ENAM: variants seen among roughly 807,000 people sequenced by gnomAD.
The protein encoded by ENAM is enamelin.
A neutral mutation model predicts 33.6 loss-of-function variants in ENAM; 21 were observed. The observed-to-expected ratio is 0.63, with a 90% CI of 0.44 to 0.90. ENAM has a LOEUF of 0.90. Ranked by LOEUF, ENAM falls within the 40% of genes least tolerant of loss-of-function variation. ENAM has a pLI of 0.00. For missense variants in ENAM, 1,388 were observed against 1,366.9 expected (o/e 1.02, Z -0.24); for synonymous variants, 473 against 468.4 (o/e 1.01, Z -0.13).
In ENAM at chr4:70,643,879, A is replaced by C. The variant is rs368055287; in HGVS notation, c.2453A>C (p.Gln818Pro). Residue 818 changes from glutamine to proline, a missense_variant, in exon 9 of 9, where the codon CAG (glutamine) becomes CCG (proline). By Grantham distance (76) the Gln-to-Pro change is moderately conservative. Coordinates refer to ENST00000396073, the MANE Select transcript of ENAM (RefSeq NM_031889.3). Reference sequence around the variant, plus strand: ...TACAGTAACACCCCAGCTGGGCTTCAGAAAAATCCAATATGGCATGAAGGT... The same window carrying C: ...TACAGTAACACCCCAGCTGGGCTTCCGAAAAATCCAATATGGCATGAAGGT... ...PYYSNTPAGLQKNPIWHEGEN... is the reference protein window; with the variant it reads ...PYYSNTPAGLPKNPIWHEGEN... 1.2e-6 allele frequency: 2 copies of C among 1,614,132 alleles called. No homozygotes were observed. Among genetic ancestry groups the C allele is most frequent in the African/African-American group, 2.7e-5 (2 of 74,946 alleles).
chr4:70,645,004 G>A lies in ENAM; in HGVS notation c.*149G>A, dbSNP rs777413455. 3.2e-5 allele frequency: 22 copies of A among 690,400 alleles called. No individual in the cohort carries two copies. The highest frequency in any genetic ancestry group is 2.6e-4 in the Admixed American group (12 of 47,056). 42.8% of individuals were successfully genotyped at this position (690,400 alleles called of 1,614,324 possible). A position where few individuals can be genotyped will look rare whatever the true frequency, so the allele number is the denominator to read the frequency against. On this transcript the variant is annotated 3_prime_UTR_variant, in exon 9 of 9. Transcript: ENST00000396073. ...CTCCCCTCTCAGCAATAGGAGTAGC[G>A]ACCCAGGTGGAGCTGAGATTAGGCC...
rs780256936 is a variant in ENAM at position 70,631,696 on chromosome 4, C to T, written c.81C>T (p.Leu27=). The change falls in exon 3 of 9, where the codon CTC becomes CTT. Residue 27 remains leucine (L), a synonymous_variant. Transcript: ENST00000396073. ...NLVPKGKMKI[L]LVFLGLLGNS... ...TACCAAAAGGCAAAATGAAGATTCT[C>T]CTGGTCTTTCTAGGGCTTCTTGGTA... 2 of 1,613,400 alleles carry T rather than the reference C, an allele frequency of 1.2e-6. No individual in the cohort carries two copies. The highest frequency in any genetic ancestry group is 1.7e-6 in the Non-Finnish European group (2 of 1,179,506).
Position 70,643,087 on chromosome 4 carries a change from C to T in ENAM, c.1661C>T (p.Ser554Phe), listed in dbSNP as rs1370260408. Reference sequence around the variant, plus strand: ...GCTGTATACCCTGAGGAAATCCCTTCTCCTGCAAAAGAACATTTTCCTGCT... The same window carrying T: ...GCTGTATACCCTGAGGAAATCCCTTTTCCTGCAAAAGAACATTTTCCTGCT... ...QPAVYPEEIP[S>F]PAKEHFPAGR... Residue 554 changes from serine (S) to phenylalanine (F), a missense_variant, in exon 9 of 9, where the codon TCT (serine) becomes TTT (phenylalanine). By Grantham distance (155) the Ser-to-Phe change is radical (BLOSUM62 -2). Transcript: ENST00000396073. 1 of 1,614,032 alleles carries T rather than the reference C, an allele frequency of 6.2e-7. No homozygotes were observed. Among genetic ancestry groups the T allele is most frequent in the Non-Finnish European group, 8.5e-7 (1 of 1,179,998 alleles).
rs1162568979 is a variant in ENAM, at chr4:70,643,517, G to A, written c.2091G>A (p.Lys697=). The A allele has an allele frequency of 6.2e-7, 1 of 1,614,102 alleles. No individual in the cohort carries two copies. The highest frequency in any genetic ancestry group is 8.5e-7 in the Non-Finnish European group (1 of 1,179,994). The change falls in exon 9 of 9, where the codon AAG becomes AAA. Residue 697 remains lysine (K), a synonymous_variant. Coordinates refer to ENST00000396073, the MANE Select transcript of ENAM (RefSeq NM_031889.3). ...EGEQYTSNQP[K]EYLPYSLDNP... is the part of the protein sequence containing the mutation. ...AACAATATACCTCAAATCAGCCAAA[G>A]GAATATCTTCCCTATTCTTTAGATA...
rs1738640247 is a variant in ENAM at position 70,642,911 on chromosome 4, T to C, written c.1485T>C (p.Tyr495=). 6.2e-7 allele frequency: 1 copy of C among 1,613,996 alleles called. No individual in the cohort carries two copies. The highest frequency in any genetic ancestry group is 8.5e-7 in the Non-Finnish European group (1 of 1,180,000). ...CTGTTGATCAACATGAAAACTCCTA[T>C]TACCCAAGAGGAGATTCCAGAAAAG... ...FNSVDQHENS[Y]YPRGDSRKVP... The change falls in exon 9 of 9, where the codon TAT becomes TAC. Residue 495 remains tyrosine (Y), a synonymous_variant. Coordinates refer to ENST00000396073, the MANE Select transcript of ENAM (RefSeq NM_031889.3).
rs1470292359 is a variant in ENAM at position 70,644,351 on chromosome 4, C to T, written c.2925C>T (p.Ala975=). 1.2e-6 allele frequency: 2 copies of T among 1,614,182 alleles called. No individual in the cohort carries two copies. Residue 975 remains alanine, a synonymous_variant, in exon 9 of 9, where the codon GCC becomes GCT. Coordinates refer to ENST00000396073, the MANE Select transcript of ENAM (RefSeq NM_031889.3). ...AGGAAATTATGCCCTTTCCTGAAGC[C>T]AGTTCCCTTCAATCAAAGAATACAC... ...GQKEIMPFPE[A]SSLQSKNTPC...
rs773749979 is a variant in ENAM, at chr4:70,644,646, T to A, written c.3220T>A (p.Ser1074Thr). 7 of 1,613,980 alleles carry A rather than the reference T, an allele frequency of 4.3e-6. No individual in the cohort carries two copies. The highest frequency in any genetic ancestry group is 2.7e-5 in the African/African-American group (2 of 74,918). The part of the protein sequence containing the change: ...KHHSSTTGTP[S>T]SDGRQSPFDG... The stretch of plus-strand genomic sequence containing the variant: ...TCACTCTTCCACCACCGGAACTCCA[T>A]CTAGCGATGGAAGGCAAAGCCCATT... The change falls in exon 9 of 9, where the codon TCT (serine) becomes ACT (threonine). Residue 1074 changes from serine (S) to threonine (T), a missense_variant. Ser to Thr is a moderately conservative substitution (Grantham distance 58). Transcript: ENST00000396073.
chr4:70,642,634 G>T lies in ENAM; in HGVS notation c.1208G>T (p.Arg403Ile), dbSNP rs762780828. Residue 403 changes from arginine to isoleucine, a missense_variant, in exon 9 of 9, where the codon AGA becomes ATA. Arg to Ile is a moderately conservative substitution (Grantham distance 97). Transcript: ENST00000396073. ...GCAGGAAATCCAGCAAATCTCAGAA[G>T]AAAGCCTCAGGGGCCAAATAAACAC... is the stretch of plus-strand genomic sequence containing the variant. Reference protein sequence around the residue: ...NYAGNPANLRRKPQGPNKHPV... With the variant: ...NYAGNPANLRIKPQGPNKHPV... 4 of 1,614,050 alleles carry T rather than the reference G, an allele frequency of 2.5e-6. No individual in the cohort carries two copies. The Admixed American group carries it at 6.7e-5, about 27-fold the overall frequency.
In ENAM at chr4:70,643,394, A is replaced by C. The variant is rs1738661416; in HGVS notation, c.1968A>C (p.Pro656=). 6.2e-7 allele frequency: 1 copy of C among 1,614,068 alleles called. No individual in the cohort carries two copies. Among genetic ancestry groups the C allele is most frequent in the Admixed American group, 1.7e-5 (1 of 60,006 alleles). Residue 656 remains proline (P), a synonymous_variant, in exon 9 of 9, where the codon CCA becomes CCC. Transcript: ENST00000396073. ...KEIVPYNEED[P]VDPTGDEVFP... The stretch of plus-strand genomic sequence containing the variant: ...TAGTCCCTTATAATGAAGAGGACCC[A>C]GTTGATCCAACTGGAGATGAAGTCT...
At chr4:70,637,651 ACT>A in intron 7 of ENAM, 137 bp from the exon 8 acceptor site, 2 of 748,580 alleles carry the variant, frequency 2.7e-6, no homozygotes, top group East Asian at 4.9e-5. Context: ...AGAGCTAATA[ACT>A]CAAACGCTAA....
Position 70,642,995 on chromosome 4 carries a change from G to T in ENAM, c.1569G>T (p.Gly523=). ...ATTTGCCCAAAGGGATTGTTTTAGG[G>T]TCAAGAAGGATGCCATATGAATCAG... ...SQNLPKGIVL[G]SRRMPYESET... The change falls in exon 9 of 9, where the codon GGG becomes GGT. Residue 523 remains glycine, a synonymous_variant. Coordinates refer to ENST00000396073, the MANE Select transcript of ENAM (RefSeq NM_031889.3). 1 of 1,614,034 alleles carries T rather than the reference G, an allele frequency of 6.2e-7. No individual in the cohort carries two copies. Among genetic ancestry groups the T allele is most frequent in the Non-Finnish European group, 8.5e-7 (1 of 1,180,012 alleles).
chr4:70,632,764 A>G (rs1239988958), intron 5 of ENAM, 72 bp downstream of exon 5: 2 of 1,026,536 alleles, frequency 1.9e-6, no homozygotes, highest in Non-Finnish European at 3.1e-6. Context: ...AGTTTGCCTT[A>G]GTCAATAGAG....
Position 70,645,194 on chromosome 4 carries a change from G to T in ENAM, c.*339G>T. Reference sequence around the variant, plus strand: ...CTCAAAGTTCCATACTTGCAAAATTGGTTTTTCAAGACTGAAAGGCAGATT... The same window carrying T: ...CTCAAAGTTCCATACTTGCAAAATTTGTTTTTCAAGACTGAAAGGCAGATT... On this transcript the variant is annotated 3_prime_UTR_variant, in exon 9 of 9. Coordinates refer to ENST00000396073, the MANE Select transcript of ENAM (RefSeq NM_031889.3). 2 of 482,250 alleles carry T rather than the reference G, an allele frequency of 4.1e-6. No individual in the cohort carries two copies. Among genetic ancestry groups the T allele is most frequent in the Non-Finnish European group, 7.4e-6 (2 of 269,268 alleles). The allele number at this position is 482,250 out of a possible 1,614,324, so 29.9% of individuals were successfully genotyped here.
Position 70,644,983 on chromosome 4 carries a change from C to T in ENAM, c.*128C>T, listed in dbSNP as rs1015607580. 2.8e-5 allele frequency: 22 copies of T among 797,862 alleles called. No homozygotes were observed. In the African/African-American group the frequency reaches 3.7e-4, roughly 14 times the overall value. 49.4% of individuals were successfully genotyped at this position (797,862 alleles called of 1,614,324 possible). A position where few individuals can be genotyped will look rare whatever the true frequency, so the allele number is the denominator to read the frequency against. ...TCTTGGTGATCCTTAAGTTTTCTCC[C>T]CTCTCAGCAATAGGAGTAGCGACCC... is the stretch of plus-strand genomic sequence containing the variant. On this transcript the variant is annotated 3_prime_UTR_variant, in exon 9 of 9. Coordinates refer to ENST00000396073, the MANE Select transcript of ENAM (RefSeq NM_031889.3).
chr4:70,636,734 A>C (rs1279126861), intron 7 of ENAM, among the ~76,000 whole-genome samples: 2 of 151,630 alleles, frequency 1.3e-5, no homozygotes, highest in Admixed American at 6.6e-5. Flanking sequence ...GTGCCATTGC[A>C]CTCCAGCCTA....
chr4:70,637,542 A>G (rs1194734473), intron 7 of ENAM: 1 of 520,682 alleles, frequency 1.9e-6, no homozygotes, highest in Non-Finnish European at 3.5e-6. Context: ...AGATGCAGCC[A>G]TACAGAGTAT....
chr4:70,637,151 A>C (rs1049478792), intron 7 of ENAM, among the ~76,000 whole-genome samples: 3 of 152,234 alleles, frequency 2.0e-5, no homozygotes, highest in Non-Finnish European at 4.4e-5. Context: ...AGGCAGTACA[A>C]GGTAAAGATT....
chr4:70,637,937 C>A, intron 8 of ENAM, 94 bp downstream of exon 8: 1 of 943,716 alleles, frequency 1.1e-6, no homozygotes, highest in South Asian at 1.3e-5. Context: ...TAAAATCCAA[C>A]ACATGAACCT....
Position 70,644,235 on chromosome 4 carries a change from G to C in ENAM, c.2809G>C (p.Glu937Gln). The C allele has an allele frequency of 6.2e-7, 1 of 1,614,186 alleles. No individual in the cohort carries two copies. The highest frequency in any genetic ancestry group is 1.3e-5 in the African/African-American group (1 of 75,048). The change falls in exon 9 of 9, where the codon GAG becomes CAG. Residue 937 changes from glutamate to glutamine, a missense_variant. Coordinates refer to ENST00000396073, the MANE Select transcript of ENAM (RefSeq NM_031889.3). ...SILPGQRNSS[E>Q]KRESQNPFRD... ...CCTACCAGGCCAAAGAAACAGCTCA[G>C]AGAAGAGGGAAAGCCAAAACCCTTT...
Sources: allele counts gnomAD v4.1 joint callset (sites outside exome capture counted in the v4.1 genomes callset), GRCh38; gene constraint gnomAD v4.1.1; transcripts MANE v1.5; gene names NCBI Gene and HGNC (gene_info 2026-07-23, HGNC 2026-07-21).